The following POLN variants were observed in gnomAD, a reference collection of about 807,000 sequenced individuals.
POLN encodes the protein DNA polymerase N.
Under a neutral mutation model 113.5 loss-of-function variants are expected in POLN, and 108 were observed. The ratio of observed to expected loss-of-function variants is 0.95; its 90% CI spans 0.81 to 1.12. The LOEUF (loss-of-function observed/expected upper bound fraction) is 1.12, where lower values mean the gene tolerates loss of function less well. Ranked by LOEUF, POLN falls within the 50% of genes most tolerant of loss-of-function variation. The pLI, the probability that POLN is intolerant of heterozygous loss-of-function variation, is 0.00. For synonymous variants in POLN, 386 were observed against 391.5 expected, an observed-to-expected ratio of 0.99 and a Z score of 0.17; for missense variants, 1,097 against 1,077.1, an observed-to-expected ratio of 1.02 and a Z score of -0.26.
intron 7 of POLN, among the ~76,000 whole-genome samples, chr4:2,182,167 G>A (rs1005338162): frequency 2.0e-5 from 3 of 152,118 alleles, no homozygotes; most frequent in East Asian, 1.9e-4. Context: ...TACTAAGAAT[G>A]GTGTTGGATA....
At chr4:2,075,089 C>T (rs1730243947) in intron 24 of POLN, among the ~76,000 whole-genome samples, 1 of 152,232 alleles carries the variant, frequency 6.6e-6, no homozygotes, top group African/African-American at 2.4e-5. Flanking sequence ...CCAATCAGCC[C>T]AGGTGGCCCC....
In POLN at chr4:2,089,064, G is replaced by A. The variant is rs570343425; in HGVS notation, c.2066-3320C>T. ...AGCTTTGAACTTAGAACTTTAGTTC[G>A]TGATGAAGGAGCAATGGATTGGTCT... On this transcript the variant is annotated intron_variant, in intron 20 of 25. Transcript: ENST00000511885. 1.1e-4 allele frequency: 98 copies of A among 876,950 alleles called. No homozygotes were observed. In the Admixed American group the frequency reaches 1.4e-3, roughly 13 times the overall value. 54.3% of individuals were successfully genotyped at this position (876,950 alleles called of 1,614,324 possible).
At chr4:2,236,526 C>T (rs1407014094) in intron 2 of POLN, 2 of 1,083,334 alleles carry the variant, frequency 1.8e-6, no homozygotes, top group Non-Finnish European at 2.8e-6. Context: ...TTACAATCCA[C>T]TGTATTGGGG....
At chr4:2,170,840 A>G (rs1732843401) in intron 12 of POLN, 66 bp from the exon 13 acceptor site, 2 of 1,406,070 alleles carry the variant, frequency 1.4e-6, no homozygotes, top group Non-Finnish European at 2.0e-6. Context: ...ACATTACTAT[A>G]GCAGAGCCCA....
At chr4:2,234,572 A>C (rs1296339425) in intron 2 of POLN, 1 of 152,770 alleles carries the variant, frequency 6.5e-6, no homozygotes, top group African/African-American at 2.4e-5. Context: ...TGGGTACATG[A>C]TGATCCCTAC....
At position 2,126,274 on chromosome 4, in the gene POLN, C is replaced by A. The variant is rs980956406; in HGVS notation, c.1982+1839G>T. 5.9e-5 allele frequency among the ~76,000 whole-genome samples: 9 copies of A among 152,224 alleles called. No homozygotes were observed. The highest frequency in any genetic ancestry group is 4.6e-4 in the Admixed American group (7 of 15,286). On this transcript the variant is annotated intron_variant, in intron 19 of 25. Coordinates refer to ENST00000511885, the MANE Select transcript of POLN (RefSeq NM_181808.4). The surrounding 1 kb of genome is among the most constrained non-coding windows in gnomAD (Gnocchi z 4.6). The stretch of plus-strand genomic sequence containing the variant: ...CAAAGTCCAGGTGAGTGTAGAGTAA[C>A]ATTCTCAATCCTCTGCTCCCCGTAT...
At chr4:2,155,185 T>C (rs1270443238) in intron 16 of POLN, among the ~76,000 whole-genome samples, 1 of 152,222 alleles carries the variant, frequency 6.6e-6, no homozygotes, top group Admixed American at 6.5e-5. Flanking sequence ...ACAGCAGTTG[T>C]GGTTGGTTGA....
chr4:2,144,793 T>C (rs1732093601), intron 16 of POLN, among the ~76,000 whole-genome samples: 4 of 152,214 alleles, frequency 2.6e-5, no homozygotes, highest in Admixed American at 2.6e-4. Context: ...ACACTGTGCT[T>C]GTTTCTTGGA....
intron 6 of POLN, among the ~76,000 whole-genome samples, chr4:2,194,025 G>C (rs1733517420): frequency 1.3e-5 from 2 of 152,176 alleles, no homozygotes; most frequent in Non-Finnish European, 2.9e-5. Flanking sequence ...CTTACCATGT[G>C]CCAGATACCA....
At chr4:2,102,716 G>A (rs1159087561) in intron 19 of POLN, among the ~76,000 whole-genome samples, 2 of 152,110 alleles carry the variant, frequency 1.3e-5, no homozygotes, top group Non-Finnish European at 2.9e-5. Context: ...CTGAAGAGAG[G>A]CCCATCTGGC....
At chr4:2,169,136 C>G (rs1334982619) in intron 13 of POLN, among the ~76,000 whole-genome samples, 2 of 152,302 alleles carry the variant, frequency 1.3e-5, no homozygotes, top group Admixed American at 6.5e-5. Flanking sequence ...GGCAGCTCAG[C>G]AGGCGCTGGA....
rs925412160 is a variant in POLN at position 2,236,421 on chromosome 4, T to C, written c.-13+5099A>G. On this transcript the variant is annotated intron_variant, in intron 2 of 25. Transcript: ENST00000511885. Reference sequence around the variant, plus strand: ...GTTTCCATGAGTTAGAAACAATTCTTTTTTCTTATTCTCTCCCTCCAAAAC... The same window carrying C: ...GTTTCCATGAGTTAGAAACAATTCTCTTTTCTTATTCTCTCCCTCCAAAAC... 9.9e-6 allele frequency: 16 copies of C among 1,613,272 alleles called. No homozygotes were observed. In the Middle Eastern group the frequency reaches 2.1e-3, roughly 216 times the overall value.
intron 15 of POLN, among the ~76,000 whole-genome samples, chr4:2,157,436 G>C (rs940686660): frequency 1.3e-5 from 2 of 152,146 alleles, no homozygotes; most frequent in African/African-American, 4.8e-5. Context: ...AAGAATATTA[G>C]ATTATTTCGG....
intron 2 of POLN, among the ~76,000 whole-genome samples, chr4:2,237,680 A>G (rs753711147): frequency 6.6e-6 from 1 of 152,194 alleles, no homozygotes; most frequent in Non-Finnish European, 1.5e-5. Context: ...TAACCTACCT[A>G]TATTACAGGA....
At chr4:2,150,149 T>C (rs1447514899) in intron 16 of POLN, among the ~76,000 whole-genome samples, 1 of 151,524 alleles carries the variant, frequency 6.6e-6, no homozygotes, top group Non-Finnish European at 1.5e-5. Flanking sequence ...GAGAGACACA[T>C]ACACACACAC....
At chr4:2,157,133 G>A (rs552633011) in intron 15 of POLN, among the ~76,000 whole-genome samples, 2 of 152,356 alleles carry the variant, frequency 1.3e-5, no homozygotes, top group Admixed American at 6.5e-5. Flanking sequence ...AGGAAGGGCT[G>A]TTGGGCTGTG....
intron 13 of POLN, 64 bp downstream of exon 13, chr4:2,170,615 A>G (rs923436821): frequency 7.2e-7 from 1 of 1,392,694 alleles, no homozygotes; most frequent in Non-Finnish European, 1.0e-6. Flanking sequence ...TCTGAAGGTC[A>G]GCACACATGT....
At chr4:2,152,820 C>A (rs1484890063) in intron 16 of POLN, among the ~76,000 whole-genome samples, 1 of 152,180 alleles carries the variant, frequency 6.6e-6, no homozygotes, top group Non-Finnish European at 1.5e-5. Flanking sequence ...GATGTCAGTA[C>A]AGGGGAAAGT....
intron 16 of POLN, chr4:2,140,799 A>G (rs1731981409): frequency 6.6e-6 from 1 of 152,166 alleles, no homozygotes; most frequent in African/African-American, 2.4e-5. Context: ...TTGGGGCCAC[A>G]CAATACTTTC....
Sources: gnomAD v4.1 joint callset for allele counts (sites outside exome capture counted in the v4.1 genomes callset) on GRCh38, gnomAD v4.1.1 for gene constraint, Gnocchi (gnomAD v3.1) non-coding constraint, MANE v1.5 for transcripts, NCBI Gene and HGNC (gene_info 2026-07-23, HGNC 2026-07-21) for gene names.